WWTR1: variants seen among roughly 807,000 people sequenced by gnomAD.
The protein encoded by WWTR1 is WW domain-containing transcription regulator protein 1.
In WWTR1, 13 loss-of-function variants were observed where a neutral mutation model predicts 40.1. The observed-to-expected ratio is 0.32, with a 90% CI of 0.21 to 0.52. WWTR1 has a LOEUF of 0.52. Among genes scored for constraint, WWTR1 ranks in the 20% least tolerant of loss-of-function variants. WWTR1 has a pLI of 0.97. For missense variants in WWTR1, 436 were observed against 523.1 expected (o/e 0.83, Z 1.63); for synonymous variants, 230 against 210.1 (o/e 1.09, Z -0.82).
chr3:149,685,483 C>T (rs1714614950), intron 1 of WWTR1, among the ~76,000 whole-genome samples: 1 of 152,188 alleles, frequency 6.6e-6, no homozygotes, highest in African/African-American at 2.4e-5. Context: ...GCTCTGGGCT[C>T]TGAGAGATAC....
At chr3:149,676,869 G>C (rs1004761938) in intron 1 of WWTR1, among the ~76,000 whole-genome samples, 1 of 151,398 alleles carries the variant, frequency 6.6e-6, no homozygotes, top group African/African-American at 2.4e-5. Flanking sequence ...GTTAAATCCT[G>C]AAGTCTGTCA....
At position 149,644,282 on chromosome 3, in the gene WWTR1, C is replaced by T. The variant is rs187090459; in HGVS notation, c.431+12594G>A. ...TTCAGTGATTAAAATGATCTCACTT[C>T]TTCTCTTTTCCAGCACCACTAAAGC... is the stretch of plus-strand genomic sequence containing the variant. On this transcript the variant is annotated intron_variant, in intron 2 of 6. Coordinates refer to ENST00000360632, the MANE Select transcript of WWTR1 (RefSeq NM_015472.6). Among the ~76,000 whole-genome samples, 29 of 151,818 alleles carry T rather than the reference C, an allele frequency of 1.9e-4. 2 individuals are homozygous for T. The Middle Eastern group carries it at 0.031, about 160-fold the overall frequency.
At position 149,517,934 on chromosome 3, in the gene WWTR1, T is replaced by C. The variant is rs1030600331; in HGVS notation, c.*2871A>G. 4 of 152,158 alleles carry C rather than the reference T, an allele frequency of 2.6e-5. No homozygotes were observed. The highest frequency in any genetic ancestry group is 5.9e-5 in the Non-Finnish European group (4 of 68,000). The allele number at this position is 152,158 out of a possible 1,614,324, so 9.4% of individuals were successfully genotyped here. On this transcript the variant is annotated 3_prime_UTR_variant, in exon 7 of 7. Transcript: ENST00000360632. ...TGATGATGTTTACTGATTGATTTAG[T>C]ACTAAAAAGACTAGTACTAAGAAGA...
intron 1 of WWTR1, chr3:149,657,560 A>G: frequency 1.9e-6 from 1 of 516,194 alleles, no homozygotes; most frequent in Non-Finnish European, 3.4e-6. Context: ...AGGAGAAGAT[A>G]GGGCGAGGGG....
intron 1 of WWTR1, among the ~76,000 whole-genome samples, chr3:149,680,549 A>AAACC (rs201103071): frequency 2.6e-5 from 4 of 151,476 alleles, no homozygotes; most frequent in African/African-American, 4.9e-5. Context: ...GTCTCAAAAA[A>AAACC]AACCAACCAA....
chr3:149,685,235 C>T (rs1292616451), intron 1 of WWTR1, among the ~76,000 whole-genome samples: 3 of 152,166 alleles, frequency 2.0e-5, no homozygotes, highest in Admixed American at 2.0e-4. Context: ...GAGTCTCTCT[C>T]CCGAGAGTTT....
At chr3:149,575,715 G>C (rs1395291700) in intron 2 of WWTR1, among the ~76,000 whole-genome samples, 1 of 152,176 alleles carries the variant, frequency 6.6e-6, no homozygotes, top group Admixed American at 6.5e-5. Context: ...TTCTGAACAA[G>C]TGGGCTGTGG....
At chr3:149,705,746 A>C (rs1468879067), upstream of WWTR1, among the ~76,000 whole-genome samples, 1 of 152,214 alleles carries the variant, frequency 6.6e-6, no homozygotes, top group African/African-American at 2.4e-5. Context: ...TGCACTCCTC[A>C]TGACAATTCC....
chr3:149,668,716 G>C (rs1285013984), intron 2 of WWTR1, among the ~76,000 whole-genome samples: 3 of 152,100 alleles, frequency 2.0e-5, no homozygotes, highest in African/African-American at 4.8e-5. Context: ...GTTACCAATG[G>C]GGAACGGGGG....
intron 2 of WWTR1, among the ~76,000 whole-genome samples, chr3:149,597,922 T>C (rs962390964): frequency 1.3e-5 from 2 of 152,254 alleles, no homozygotes; most frequent in African/African-American, 4.8e-5. Flanking sequence ...GGAATGATTA[T>C]TTTTTAAAAG....
At chr3:149,535,819 C>T (rs765647903) in intron 4 of WWTR1, among the ~76,000 whole-genome samples, 1 of 152,002 alleles carries the variant, frequency 6.6e-6, no homozygotes, top group Non-Finnish European at 1.5e-5. Flanking sequence ...TCGAGACCAG[C>T]CTGGCCAACA....
chr3:149,620,583 C>CTCA (rs1740223870), intron 2 of WWTR1, among the ~76,000 whole-genome samples: 1 of 147,420 alleles, frequency 6.8e-6, no homozygotes, highest in Non-Finnish European at 1.5e-5. Context: ...CACACACACA[C>CTCA]TCATCTTCTT....
At chr3:149,584,981 A>G (rs1738343631) in intron 2 of WWTR1, among the ~76,000 whole-genome samples, 1 of 152,212 alleles carries the variant, frequency 6.6e-6, no homozygotes, top group African/African-American at 2.4e-5. Flanking sequence ...CAAACTGTTT[A>G]AAGGGATCTG....
intron 2 of WWTR1, among the ~76,000 whole-genome samples, chr3:149,651,707 TTTGA>T (rs1292350237): frequency 6.6e-6 from 1 of 152,198 alleles, no homozygotes; most frequent in African/African-American, 2.4e-5. Flanking sequence ...TATCTCATCC[TTTGA>T]TTGGCCCAGG....
At chr3:149,583,655 T>G (rs1738262287) in intron 2 of WWTR1, among the ~76,000 whole-genome samples, 1 of 152,242 alleles carries the variant, frequency 6.6e-6, no homozygotes, top group Admixed American at 6.5e-5. Flanking sequence ...TGGTGCTATT[T>G]CTACACCCAA....
At chr3:149,664,591 T>C (rs1713724907) in intron 2 of WWTR1, among the ~76,000 whole-genome samples, 1 of 147,442 alleles carries the variant, frequency 6.8e-6, no homozygotes, top group Non-Finnish European at 1.5e-5. Flanking sequence ...GGCACTATCT[T>C]TTTTTTTTTT....
intron 1 of WWTR1, among the ~76,000 whole-genome samples, chr3:149,687,171 T>G (rs148141031): frequency 1.4e-3 from 219 of 152,298 alleles, no homozygotes; most frequent in African/African-American, 5.2e-3. Flanking sequence ...TACTGCAATT[T>G]TAGAGCTTAC....
chr3:149,517,824 T>C lies in WWTR1; in HGVS notation c.*2981A>G, dbSNP rs937290469. The C allele has an allele frequency of 1.3e-5, 2 of 152,208 alleles. No individual in the cohort carries two copies. The highest frequency in any genetic ancestry group is 2.4e-5 in the African/African-American group (1 of 41,458). 9.4% of individuals were successfully genotyped at this position (152,208 alleles called of 1,614,324 possible). On this transcript the variant is annotated 3_prime_UTR_variant, in exon 7 of 7. Coordinates refer to ENST00000360632, the MANE Select transcript of WWTR1 (RefSeq NM_015472.6). Reference sequence around the variant, plus strand: ...ATTTACTTCAAGACAATGTATTTTATCAGGAAAAAATATCTTGAAAGAAAG... The same window carrying C: ...ATTTACTTCAAGACAATGTATTTTACCAGGAAAAAATATCTTGAAAGAAAG...
intron 3 of WWTR1, among the ~76,000 whole-genome samples, chr3:149,566,948 A>G (rs903888260): frequency 1.3e-5 from 2 of 152,180 alleles, no homozygotes; most frequent in Admixed American, 6.5e-5. Context: ...GCATGTGTGT[A>G]TATGTAACTT....
Sources: allele counts gnomAD v4.1 joint callset (sites outside exome capture counted in the v4.1 genomes callset), GRCh38; gene constraint gnomAD v4.1.1; transcripts MANE v1.5; gene names NCBI Gene and HGNC (gene_info 2026-07-23, HGNC 2026-07-21).